DAB1: variants seen among roughly 807,000 people sequenced by gnomAD.
DAB1 encodes the protein disabled homolog 1.
Under a neutral mutation model 64.6 loss-of-function variants are expected in DAB1, and 15 were observed. That is an observed-to-expected ratio of 0.23 (90% CI 0.16 to 0.36). The LOEUF is 0.36. Ranked by LOEUF, DAB1 falls within the 10% of genes least tolerant of loss-of-function variation. The pLI is 1.00. For synonymous variants in DAB1, 235 were observed against 251.9 expected (o/e 0.93, Z 0.64); for missense variants, 596 against 706.7 (o/e 0.84, Z 1.78).
At chr1:57,366,370 A>G (rs1558247647) in intron 1 of DAB1, among the ~76,000 whole-genome samples, 1 of 152,242 alleles carries the variant, frequency 6.6e-6, no homozygotes, top group Non-Finnish European at 1.5e-5. Context: ...AAAAGAAAGT[A>G]ATAGCTAGAT....
intron 9 of DAB1, among the ~76,000 whole-genome samples, chr1:57,056,600 C>T (rs1259801046): frequency 6.6e-6 from 1 of 151,844 alleles, no homozygotes; most frequent in Non-Finnish European, 1.5e-5. Flanking sequence ...CATGGTGGCT[C>T]ACACCTGTAA....
intron 1 of DAB1, among the ~76,000 whole-genome samples, chr1:57,311,933 G>A (rs1032694133): frequency 6.6e-6 from 1 of 152,104 alleles, no homozygotes; most frequent in Non-Finnish European, 1.5e-5. Context: ...TAAACGTTAT[G>A]GTTTCTTAAC....
At chr1:57,514,998 T>A (rs996944537) in intron 7 of DAB1, among the ~76,000 whole-genome samples, 2 of 152,210 alleles carry the variant, frequency 1.3e-5, no homozygotes, top group African/African-American at 4.8e-5. Context: ...CTCTCAGTTA[T>A]TTTGAAGCAT....
intron 9 of DAB1, among the ~76,000 whole-genome samples, chr1:57,034,698 T>C (rs749905584): frequency 1.1e-4 from 16 of 152,248 alleles, no homozygotes; most frequent in Non-Finnish European, 2.1e-4. Flanking sequence ...TAATTATTCT[T>C]TGGATGATTT....
chr1:57,777,843 T>A (rs1041740697), intron 6 of DAB1, among the ~76,000 whole-genome samples: 2 of 152,148 alleles, frequency 1.3e-5, no homozygotes, highest in African/African-American at 4.8e-5. Flanking sequence ...TGGGACAGGA[T>A]GTTGACCACT....
intron 7 of DAB1, among the ~76,000 whole-genome samples, chr1:57,577,688 G>T (rs1026979006): frequency 6.6e-6 from 1 of 152,076 alleles, no homozygotes; most frequent in Non-Finnish European, 1.5e-5. Context: ...GGGAGGGGTG[G>T]CTGTTAAAAA....
intron 5 of DAB1, among the ~76,000 whole-genome samples, chr1:58,147,984 A>G (rs956458536): frequency 3.2e-4 from 12 of 38,078 alleles, no homozygotes; most frequent in Non-Finnish European, 3.0e-4. Flanking sequence ...ATAGCTGGAG[A>G]AAAAAAAAAA....
chr1:58,360,266 G>T (rs1048178753), intron 3 of DAB1, among the ~76,000 whole-genome samples: 40 of 152,180 alleles, frequency 2.6e-4, no homozygotes, highest in Non-Finnish European at 3.2e-4. Flanking sequence ...TTTAAGGGGA[G>T]CCATGTTGAA....
At chr1:57,628,511 CAGGTACT>C (rs909219325) in intron 7 of DAB1, among the ~76,000 whole-genome samples, 6 of 152,280 alleles carry the variant, frequency 3.9e-5, no homozygotes, top group Non-Finnish European at 7.4e-5. Context: ...CACTTGGTAT[CAGGTACT>C]AGACCCTGAA....
chr1:57,969,341 T>C (rs1645741989), intron 5 of DAB1, among the ~76,000 whole-genome samples: 1 of 152,122 alleles, frequency 6.6e-6, no homozygotes, highest in Non-Finnish European at 1.5e-5. Flanking sequence ...AATTTACTTT[T>C]ATTTATATAT....
chr1:57,121,202 GAGA>G (rs771192722), intron 4 of DAB1, among the ~76,000 whole-genome samples: 22 of 138,190 alleles, frequency 1.6e-4, no homozygotes, highest in Non-Finnish European at 2.6e-4. Context: ...GAAGGAGAAG[GAGA>G]AGAAGGAGAA....
chr1:58,440,684 T>C (rs1308536358), intron 3 of DAB1, among the ~76,000 whole-genome samples: 1 of 152,220 alleles, frequency 6.6e-6, no homozygotes, highest in Non-Finnish European at 1.5e-5. Context: ...GAATTCTCAC[T>C]AAGTGGCAGG....
In DAB1 at chr1:58,354,625, A is replaced by T. The variant is rs541777080; in HGVS notation, n.258-11222T>A. Among the ~76,000 whole-genome samples, 3 of 152,230 alleles carry T rather than the reference A, an allele frequency of 2.0e-5. 1 individual carries two copies. In the East Asian group the frequency reaches 5.8e-4, roughly 29 times the overall value. Reference sequence around the variant, plus strand: ...GTCTCTTATGTGTCTGAGAGGGTGGATTCAGCCTGCATTTATAATCTAGGA... The same window carrying T: ...GTCTCTTATGTGTCTGAGAGGGTGGTTTCAGCCTGCATTTATAATCTAGGA... On this transcript the variant is annotated intron_variant and non_coding_transcript_variant, in intron 3 of 20. Coordinates refer to the DAB1 transcript ENST00000485760.
chr1:57,673,776 A>G (rs1437471271), intron 6 of DAB1, among the ~76,000 whole-genome samples: 3 of 152,110 alleles, frequency 2.0e-5, no homozygotes, highest in Non-Finnish European at 4.4e-5. Context: ...CTAATGTCTT[A>G]TTTGTGAAGG....
At chr1:58,451,920 CTTT>C (rs34824870) in intron 3 of DAB1, among the ~76,000 whole-genome samples, 6 of 137,934 alleles carry the variant, frequency 4.3e-5, no homozygotes, top group Admixed American at 1.5e-4. Flanking sequence ...TTTTTCTTTC[CTTT>C]TTTTTTTTTT....
chr1:57,167,091 T>G (rs1367485917), intron 2 of DAB1, among the ~76,000 whole-genome samples: 1 of 152,204 alleles, frequency 6.6e-6, no homozygotes, highest in African/African-American at 2.4e-5. Flanking sequence ...CTGGTTGAAG[T>G]GAGGGAAATT....
intron 4 of DAB1, among the ~76,000 whole-genome samples, chr1:58,235,731 G>T (rs1659996853): frequency 6.6e-6 from 1 of 152,184 alleles, no homozygotes; most frequent in African/African-American, 2.4e-5. Context: ...ATCATCCTCA[G>T]TGAACCAAAC....
At position 57,967,481 on chromosome 1, in the gene DAB1, T is replaced by G. The variant is rs539259205; in HGVS notation, n.388-83319A>C. Among the ~76,000 whole-genome samples, 50 of 152,154 alleles carry G rather than the reference T, an allele frequency of 3.3e-4. 1 individual carries two copies. The highest frequency in any genetic ancestry group is 3.3e-3 in the Admixed American group (50 of 15,266). On this transcript the variant is annotated intron_variant and non_coding_transcript_variant, in intron 5 of 20. Transcript: ENST00000485760. ...TTGGATCCATACTCTGTGTCCTTATTATGGCTCAATAAGATGTGCTACCCT... is the reference window on the plus strand; with the variant it reads ...TTGGATCCATACTCTGTGTCCTTATGATGGCTCAATAAGATGTGCTACCCT...
chr1:57,424,302 C>T (rs906949620), upstream of DAB1, among the ~76,000 whole-genome samples: 2 of 149,530 alleles, frequency 1.3e-5, no homozygotes, highest in African/African-American at 4.9e-5. Flanking sequence ...AGAGCTTAGC[C>T]GAGTGGCGGT....
Sources: allele counts gnomAD v4.1 joint callset (sites outside exome capture counted in the v4.1 genomes callset), GRCh38; gene constraint gnomAD v4.1.1; transcripts MANE v1.5; gene names NCBI Gene and HGNC (gene_info 2026-07-23, HGNC 2026-07-21).